CEP112: variants seen among roughly 807,000 people sequenced by gnomAD.
CEP112 encodes centrosomal protein 112.
CEP112 carries 127 observed loss-of-function variants against 153.0 expected under a neutral mutation model. That is an observed-to-expected ratio of 0.83 (90% CI 0.72 to 0.96). CEP112 has a LOEUF of 0.96. CEP112 is among the 40% of genes least tolerant of loss of function. CEP112 has a pLI of 0.00. For missense variants in CEP112, 1,089 were observed against 1,101.2 expected (o/e 0.99, Z 0.16); for synonymous variants, 358 against 374.4 (o/e 0.96, Z 0.51).
chr17:65,874,799 G>A (rs2058770014), intron 20 of CEP112, among the ~76,000 whole-genome samples: 1 of 151,904 alleles, frequency 6.6e-6, no homozygotes, highest in Non-Finnish European at 1.5e-5. Flanking sequence ...TACCCACATT[G>A]TAGACAACTA....
intron 8 of CEP112, among the ~76,000 whole-genome samples, chr17:66,075,327 G>T (rs148876912): frequency 1.3e-5 from 2 of 152,106 alleles, no homozygotes. Flanking sequence ...TAGAAAATGG[G>T]AAAAGTCCAG....
intron 12 of CEP112, among the ~76,000 whole-genome samples, chr17:66,052,191 AAGTACCCATGCAACCAT>A (rs2066469662): frequency 6.6e-6 from 1 of 152,178 alleles, no homozygotes; most frequent in South Asian, 2.1e-4. Context: ...GCATCACTTT[AAGTACCCATGCAACCAT>A]TTTTGGAAAT....
chr17:65,876,558 T>C (rs1194034328), intron 20 of CEP112, among the ~76,000 whole-genome samples: 1 of 152,192 alleles, frequency 6.6e-6, no homozygotes, highest in African/African-American at 2.4e-5. Flanking sequence ...CCTTTTCTTT[T>C]GTGATGCTGG....
At position 65,916,287 on chromosome 17, in the gene CEP112, G is replaced by A. The variant is rs74004961; in HGVS notation, c.1980+11295C>T. The stretch of plus-strand genomic sequence containing the variant: ...TGTGTGTGTGTGTGTGTGTGTGTGT[G>A]TGTGTATGTGTGGTAGGAGTAGTGG... On this transcript the variant is annotated intron_variant, in intron 19 of 26. Coordinates refer to ENST00000535342, the MANE Select transcript of CEP112 (RefSeq NM_001199165.4). Among the ~76,000 whole-genome samples the A allele has an allele frequency of 8.6e-3, 1,274 of 147,558 alleles. 16 individuals are homozygous for A. Among genetic ancestry groups the A allele is most frequent in the African/African-American group, 0.027 (1,081 of 39,380 alleles).
At chr17:65,863,490 G>A (rs940491156) in intron 20 of CEP112, among the ~76,000 whole-genome samples, 57 of 152,126 alleles carry the variant, frequency 3.7e-4, no homozygotes, top group African/African-American at 1.1e-3. Flanking sequence ...AAAATGGGCC[G>A]GGCGCGGTGG....
chr17:65,689,237 A>C lies in CEP112; in HGVS notation c.2608-19T>G, dbSNP rs764306902. On this transcript the variant is annotated intron_variant, in intron 23 of 26. Coordinates refer to ENST00000535342, the MANE Select transcript of CEP112 (RefSeq NM_001199165.4). ...GTAAAACCTGAAACGGTATAAAATA[A>C]AGATATCATTAATAATTAGCACACT... 1 of 1,554,786 alleles carries C rather than the reference A, an allele frequency of 6.4e-7. No individual in the cohort carries two copies. The highest frequency in any genetic ancestry group is 1.1e-5 in the South Asian group (1 of 89,764).
At chr17:65,790,633 C>T (rs2054537421) in intron 21 of CEP112, among the ~76,000 whole-genome samples, 1 of 152,278 alleles carries the variant, frequency 6.6e-6, no homozygotes, top group South Asian at 2.1e-4. Context: ...TTAATTAGGA[C>T]CTATATTTTC....
At chr17:65,850,290 G>A (rs966303700) in intron 21 of CEP112, among the ~76,000 whole-genome samples, 1 of 151,922 alleles carries the variant, frequency 6.6e-6, no homozygotes, top group African/African-American at 2.4e-5. Context: ...TGTCCCGAGA[G>A]GCCCAACCTA....
At chr17:66,080,843 T>C (rs950566381) in intron 8 of CEP112, among the ~76,000 whole-genome samples, 2 of 152,164 alleles carry the variant, frequency 1.3e-5, no homozygotes, top group East Asian at 1.9e-4. Flanking sequence ...TAAAAAAGGA[T>C]AAGTTCGTGT....
chr17:66,066,925 T>C (rs771592777), intron 9 of CEP112, 48 bp from the exon 10 acceptor site: 19 of 1,212,358 alleles, frequency 1.6e-5, no homozygotes, highest in East Asian at 1.1e-4. Context: ...ACTTTACATA[T>C]AGGACACTTT....
At chr17:66,098,934 G>A (rs966462841) in intron 6 of CEP112, among the ~76,000 whole-genome samples, 1 of 152,178 alleles carries the variant, frequency 6.6e-6, no homozygotes, top group East Asian at 1.9e-4. Flanking sequence ...CCTAGTAGTG[G>A]TGGAACTAAA....
intron 20 of CEP112, among the ~76,000 whole-genome samples, chr17:65,883,228 C>A (rs1463675675): frequency 2.6e-5 from 4 of 151,372 alleles, no homozygotes; most frequent in Admixed American, 6.6e-5. Flanking sequence ...TAGGTCAGAT[C>A]ATACAAGGTA....
intron 8 of CEP112, among the ~76,000 whole-genome samples, chr17:66,092,378 C>CACACACAT (rs1354362818): frequency 6.6e-6 from 1 of 151,148 alleles, no homozygotes; most frequent in African/African-American, 2.4e-5. Flanking sequence ...CACACACACA[C>CACACACAT]ACACACACAC....
chr17:66,032,018 C>A (rs1259032943), intron 12 of CEP112, among the ~76,000 whole-genome samples: 4 of 152,100 alleles, frequency 2.6e-5, no homozygotes, highest in African/African-American at 9.7e-5. Context: ...TTGTCAAATT[C>A]TTTTTCTTTT....
intron 18 of CEP112, among the ~76,000 whole-genome samples, chr17:65,934,565 G>T (rs1031474052): frequency 1.3e-5 from 2 of 152,074 alleles, no homozygotes; most frequent in Non-Finnish European, 2.9e-5. Context: ...GAATATAAAT[G>T]AACTAAATTC....
At chr17:65,882,148 AG>A (rs1415511051) in intron 20 of CEP112, among the ~76,000 whole-genome samples, 1 of 152,272 alleles carries the variant, frequency 6.6e-6, no homozygotes, top group Non-Finnish European at 1.5e-5. Context: ...CAGTGCCCAC[AG>A]GGCATGCACT....
intron 21 of CEP112, among the ~76,000 whole-genome samples, chr17:65,788,537 A>G (rs921927591): frequency 1.0e-3 from 156 of 152,284 alleles, no homozygotes; most frequent in African/African-American, 3.6e-3. Flanking sequence ...TGTTTTCTTT[A>G]ATAAAATATT....
intron 17 of CEP112, among the ~76,000 whole-genome samples, chr17:65,963,925 T>C (rs139097175): frequency 6.6e-6 from 1 of 152,324 alleles, no homozygotes; most frequent in African/African-American, 2.4e-5. Flanking sequence ...TTCCACTAAA[T>C]CCCTGTTCCT....
At chr17:66,064,198 A>G (rs891648718) in intron 10 of CEP112, among the ~76,000 whole-genome samples, 1 of 152,206 alleles carries the variant, frequency 6.6e-6, no homozygotes, top group African/African-American at 2.4e-5. Flanking sequence ...TCAACTTTTT[A>G]TCCACAGGGC....
Sources: allele counts gnomAD v4.1 joint callset (sites outside exome capture counted in the v4.1 genomes callset), GRCh38; gene constraint gnomAD v4.1.1; transcripts MANE v1.5; gene names NCBI Gene and HGNC (gene_info 2026-07-23, HGNC 2026-07-21).